LDLRAD4: variants seen among roughly 807,000 people sequenced by gnomAD.
LDLRAD4 encodes the protein low-density lipoprotein receptor class A domain-containing protein 4.
A neutral mutation model predicts 17.0 loss-of-function variants in LDLRAD4; 5 were observed. That is an observed-to-expected ratio of 0.29 (90% CI 0.15 to 0.62). The LOEUF is 0.62. LDLRAD4 is among the 20% of genes least tolerant of loss of function. The pLI, the probability that LDLRAD4 is intolerant of heterozygous loss-of-function variation, is 0.84. For synonymous variants in LDLRAD4, 168 were observed against 171.8 expected, an observed-to-expected ratio of 0.98 and a Z score of 0.17; for missense variants, 340 against 424.7, an observed-to-expected ratio of 0.80 and a Z score of 1.75.
intron 3 of LDLRAD4, among the ~76,000 whole-genome samples, chr18:13,446,718 G>T (rs1004685625): frequency 6.6e-6 from 1 of 152,230 alleles, no homozygotes; most frequent in Admixed American, 6.5e-5. Flanking sequence ...CGTGGCTTCA[G>T]CATGGGGGCG....
In LDLRAD4 at chr18:13,644,880, A is replaced by T. The variant is rs112271414; in HGVS notation, c.391-247A>T. On this transcript the variant is annotated intron_variant, in intron 5 of 5. Coordinates refer to ENST00000359446, the Ensembl canonical transcript of LDLRAD4. ...GGAGCCCAAGCTTTCCATTACCCACAGCTCTCCATTGCTCAGCCCTCCTGG... is the reference window on the plus strand; with the variant it reads ...GGAGCCCAAGCTTTCCATTACCCACTGCTCTCCATTGCTCAGCCCTCCTGG... 10 of 495,758 alleles carry T rather than the reference A, an allele frequency of 2.0e-5. No individual in the cohort carries two copies. The East Asian group carries it at 2.7e-4, about 13-fold the overall frequency. The allele number at this position is 495,758 out of a possible 1,614,324, so 30.7% of individuals were successfully genotyped here.
intron 3 of LDLRAD4, among the ~76,000 whole-genome samples, chr18:13,569,425 T>A (rs1039610681): frequency 9.9e-5 from 15 of 152,248 alleles, no homozygotes; most frequent in Non-Finnish European, 1.9e-4. Flanking sequence ...ACCAAACTGA[T>A]TCATAAGTCG....
chr18:13,648,377 T>TATCA (rs149382430), exon 6 of LDLRAD4: 173 of 152,374 alleles, frequency 1.1e-3, no homozygotes, highest in African/African-American at 3.5e-3. Context: ...GACTCATACA[T>TATCA]ATCAAACCAT....
chr18:13,593,419 G>A (rs186380415), intron 3 of LDLRAD4, among the ~76,000 whole-genome samples: 25 of 152,144 alleles, frequency 1.6e-4, no homozygotes, highest in Admixed American at 9.8e-4. Context: ...CTTTCCTCGC[G>A]ATGCTTTCCA....
At chr18:13,294,916 C>A (rs1462595195) in intron 1 of LDLRAD4, among the ~76,000 whole-genome samples, 1 of 151,842 alleles carries the variant, frequency 6.6e-6, no homozygotes, top group East Asian at 1.9e-4. Flanking sequence ...TGAATTCTGT[C>A]TTTAGAAAAT....
intron 1 of LDLRAD4, among the ~76,000 whole-genome samples, chr18:13,363,159 T>G (rs1365480102): frequency 6.6e-6 from 1 of 151,702 alleles, no homozygotes; most frequent in Non-Finnish European, 1.5e-5. Flanking sequence ...TGAAACCCCG[T>G]GTCTGCTAAA....
intron 3 of LDLRAD4, among the ~76,000 whole-genome samples, chr18:13,599,814 A>G (rs1283545457): frequency 2.6e-5 from 4 of 152,116 alleles, no homozygotes; most frequent in African/African-American, 9.7e-5. Context: ...ATTATATTTT[A>G]ACTGTGTTAA....
At chr18:13,480,039 G>C (rs1266407065) in intron 3 of LDLRAD4, among the ~76,000 whole-genome samples, 2 of 152,158 alleles carry the variant, frequency 1.3e-5, no homozygotes, top group Non-Finnish European at 2.9e-5. Flanking sequence ...CTTACCATAT[G>C]ATCCAACAAT....
At chr18:13,357,801 G>T (rs1183254547) in intron 1 of LDLRAD4, among the ~76,000 whole-genome samples, 2 of 152,118 alleles carry the variant, frequency 1.3e-5, no homozygotes, top group African/African-American at 4.8e-5. Context: ...GTTACCCATG[G>T]TATATGGCTC....
At chr18:13,280,409 TCAA>T (rs1247401740) in intron 1 of LDLRAD4, among the ~76,000 whole-genome samples, 1 of 152,250 alleles carries the variant, frequency 6.6e-6, no homozygotes, top group Non-Finnish European at 1.5e-5. Context: ...CAGTCGTCAC[TCAA>T]CAACATGTTG....
intron 2 of LDLRAD4, among the ~76,000 whole-genome samples, chr18:13,400,207 G>A (rs1568101145): frequency 6.6e-6 from 1 of 152,144 alleles, no homozygotes; most frequent in Non-Finnish European, 1.5e-5. Context: ...GCTTCTTTGG[G>A]GCAGCTCATC....
In LDLRAD4 at chr18:13,316,046, G is replaced by T. The variant is rs76969142; in HGVS notation, c.-383+37858G>T. Among the ~76,000 whole-genome samples, 160 of 152,250 alleles carry T rather than the reference G, an allele frequency of 1.1e-3. No individual in the cohort carries two copies. In the East Asian group the frequency reaches 0.025, roughly 24 times the overall value. On this transcript the variant is annotated intron_variant, in intron 1 of 5. Transcript: ENST00000359446. The stretch of plus-strand genomic sequence containing the variant: ...CGTGCAAAGGTGAGGGACGGTGAGA[G>T]GAGAGAGATGGGGGTGCCAGCAGGA...
At chr18:13,444,605 T>C (rs2091262343) in intron 3 of LDLRAD4, among the ~76,000 whole-genome samples, 1 of 152,168 alleles carries the variant, frequency 6.6e-6, no homozygotes, top group African/African-American at 2.4e-5. Context: ...CAGCTGCACA[T>C]AGTGGACACT....
chr18:13,399,218 A>C (rs1177045128), intron 2 of LDLRAD4, among the ~76,000 whole-genome samples: 1 of 151,814 alleles, frequency 6.6e-6, no homozygotes, highest in Non-Finnish European at 1.5e-5. Flanking sequence ...AAAAAAAAGA[A>C]AAAAAAAGAC....
chr18:13,346,375 A>G (rs3960634), intron 1 of LDLRAD4, among the ~76,000 whole-genome samples: 71,177 of 151,916 alleles, frequency 0.47, 20,163 homozygotes, highest in Non-Finnish European at 0.63. Context: ...GTTTCCATGT[A>G]GTTGAGTGGT....
intron 3 of LDLRAD4, among the ~76,000 whole-genome samples, chr18:13,477,729 TCTCG>T (rs1370669506): frequency 2.0e-4 from 30 of 152,144 alleles, no homozygotes; most frequent in Non-Finnish European, 3.8e-4. Flanking sequence ...ACCCCGCACC[TCTCG>T]CTCCTTTTGA....
At chr18:13,297,009 C>T (rs2046315530) in intron 1 of LDLRAD4, among the ~76,000 whole-genome samples, 1 of 151,856 alleles carries the variant, frequency 6.6e-6, no homozygotes, top group Non-Finnish European at 1.5e-5. Context: ...CGAGGGGATT[C>T]CTTCCCCGCC....
intron 2 of LDLRAD4, among the ~76,000 whole-genome samples, chr18:13,401,183 G>A (rs2087157207): frequency 6.6e-6 from 1 of 151,988 alleles, no homozygotes; most frequent in African/African-American, 2.4e-5. Context: ...CAGAGTTGGT[G>A]TTTGGGGAAC....
At chr18:13,599,895 G>T (rs1178516276) in intron 3 of LDLRAD4, among the ~76,000 whole-genome samples, 1 of 152,148 alleles carries the variant, frequency 6.6e-6, no homozygotes, top group Admixed American at 6.5e-5. Flanking sequence ...AAATTATACA[G>T]CAAACCTTTC....
Sources: gnomAD v4.1 joint callset for allele counts (sites outside exome capture counted in the v4.1 genomes callset) on GRCh38, gnomAD v4.1.1 for gene constraint, MANE v1.5 for transcripts, NCBI Gene and HGNC (gene_info 2026-07-23, HGNC 2026-07-21) for gene names.